Variants in WDR59 observed in about 807,000 individuals in gnomAD.
The protein encoded by WDR59 is GATOR2 complex protein WDR59.
WDR59 carries 100 observed loss-of-function variants against 131.2 expected under a neutral mutation model. That is an observed-to-expected ratio of 0.76 (90% CI 0.65 to 0.90). WDR59 has a LOEUF of 0.90. Ranked by LOEUF, WDR59 falls within the 40% of genes least tolerant of loss-of-function variation. WDR59 has a pLI of 0.00. For missense variants in WDR59, 1,203 were observed against 1,262.2 expected, an observed-to-expected ratio of 0.95 and a Z score of 0.71; for synonymous variants, 601 against 466.2, an observed-to-expected ratio of 1.29 and a Z score of -3.72.
intron 10 of WDR59, 139 bp from the exon 11 acceptor site, chr16:74,918,147 G>C (rs966419256): frequency 1.2e-5 from 9 of 753,882 alleles, no homozygotes; most frequent in South Asian, 6.7e-5. Flanking sequence ...CACTATTCTA[G>C]GTACCAGGAC....
At chr16:74,976,865 G>A (rs754906698) in intron 1 of WDR59, among the ~76,000 whole-genome samples, 3 of 152,024 alleles carry the variant, frequency 2.0e-5, no homozygotes, top group South Asian at 4.1e-4. Context: ...ACATTAGCCC[G>A]GCCTGGTGGT....
chr16:74,903,871 C>A (rs1455790161), intron 18 of WDR59, 76 bp downstream of exon 18: 2 of 1,504,932 alleles, frequency 1.3e-6, no homozygotes, highest in Non-Finnish European at 1.8e-6. Context: ...AATCTAGCTG[C>A]TGCGCCAGGC....
intron 2 of WDR59, chr16:74,962,836 C>T (rs1461335520): frequency 6.6e-6 from 1 of 151,348 alleles, no homozygotes; most frequent in African/African-American, 2.4e-5. Flanking sequence ...TTGCCCTGGC[C>T]AGAACTTTCA....
intron 1 of WDR59, among the ~76,000 whole-genome samples, chr16:74,983,754 T>A (rs1157293902): frequency 6.6e-6 from 1 of 151,984 alleles, no homozygotes; most frequent in Non-Finnish European, 1.5e-5. Flanking sequence ...GGCAGGGGGT[T>A]CGCTTGAGCC....
intron 6 of WDR59, among the ~76,000 whole-genome samples, 200 bp from the exon 7 acceptor site, chr16:74,943,026 T>C (rs913584780): frequency 2.0e-5 from 3 of 152,158 alleles, no homozygotes; most frequent in East Asian, 3.8e-4. Flanking sequence ...AACAGGATCA[T>C]AGTCACCTAA....
At chr16:74,907,448 C>T (rs559391395) in intron 17 of WDR59, among the ~76,000 whole-genome samples, 5 of 152,322 alleles carry the variant, frequency 3.3e-5, no homozygotes, top group Non-Finnish European at 7.3e-5. Flanking sequence ...GTTTCTCCTT[C>T]ACATACACAC....
At chr16:74,899,112 A>G (rs1359324468) in intron 18 of WDR59, among the ~76,000 whole-genome samples, 3 of 152,222 alleles carry the variant, frequency 2.0e-5, no homozygotes, top group Non-Finnish European at 4.4e-5. Context: ...CAATAGGAGT[A>G]AGAAAGAAAG....
At chr16:74,942,166 G>A (rs2032282792) in intron 7 of WDR59, among the ~76,000 whole-genome samples, 1 of 152,146 alleles carries the variant, frequency 6.6e-6, no homozygotes, top group African/African-American at 2.4e-5. Flanking sequence ...TCCATCTCTA[G>A]GTGTCCATGG....
intron 18 of WDR59, among the ~76,000 whole-genome samples, chr16:74,902,526 T>C (rs1474277476): frequency 1.3e-5 from 2 of 152,090 alleles, no homozygotes; most frequent in Non-Finnish European, 2.9e-5. Context: ...GAGTGGGCTT[T>C]ACACACCCCC....
intron 3 of WDR59, among the ~76,000 whole-genome samples, chr16:74,955,568 C>T (rs1368500026): frequency 3.9e-5 from 6 of 152,118 alleles, no homozygotes; most frequent in Admixed American, 3.3e-4. Flanking sequence ...TGAAAATCAG[C>T]GCAACCTCGG....
intron 3 of WDR59, among the ~76,000 whole-genome samples, chr16:74,956,244 A>G (rs1368423123): frequency 6.6e-6 from 1 of 152,172 alleles, no homozygotes; most frequent in African/African-American, 2.4e-5. Context: ...TTTCCCTTTC[A>G]AAATCTGAAT....
In WDR59 at chr16:74,938,207, G is replaced by A; in HGVS notation, c.594C>T (p.Asp198=). 6.4e-7 allele frequency: 1 copy of A among 1,569,452 alleles called. No individual in the cohort carries two copies. The highest frequency in any genetic ancestry group is 8.6e-7 in the Non-Finnish European group (1 of 1,157,238). The part of the protein sequence containing the change: ...AAHLSKIHGL[D]WHPDSEHILA... ...GAATGTGCTCGCTGTCTGGGTGCCA[G>A]TCCAGGCCATGGATTTTGGAGAGGT... is the stretch of plus-strand genomic sequence containing the variant. The change falls in exon 8 of 26, where the codon GAC becomes GAT. Residue 198 remains aspartate, a synonymous_variant. Transcript: ENST00000262144.
intron 3 of WDR59, among the ~76,000 whole-genome samples, chr16:74,951,796 G>A (rs1004839284): frequency 2.0e-5 from 3 of 152,152 alleles, no homozygotes; most frequent in Non-Finnish European, 1.5e-5. Flanking sequence ...ATCTTGAACA[G>A]TCACAGCTGA....
At chr16:74,915,695 A>G in intron 13 of WDR59, 175 bp downstream of exon 13, 1 of 822,664 alleles carries the variant, frequency 1.2e-6, no homozygotes, top group East Asian at 2.9e-5. Flanking sequence ...AAGTGCTGGG[A>G]TTACAGGCGT....
intron 1 of WDR59, among the ~76,000 whole-genome samples, chr16:74,981,625 T>G (rs1160888605): frequency 7.6e-4 from 1 of 1,318 alleles, no homozygotes; most frequent in African/African-American, 1.3e-3. Flanking sequence ...TATATATATA[T>G]ATATATATAT....
intron 2 of WDR59, among the ~76,000 whole-genome samples, chr16:74,958,136 G>A (rs2033379856): frequency 6.6e-6 from 1 of 152,090 alleles, no homozygotes; most frequent in Admixed American, 6.6e-5. Context: ...GGCAGAAAGT[G>A]GGCACTTCAG....
At chr16:74,975,597 G>A (rs533677119) in intron 1 of WDR59, among the ~76,000 whole-genome samples, 1 of 151,326 alleles carries the variant, frequency 6.6e-6, no homozygotes, top group East Asian at 1.9e-4. Flanking sequence ...CTGGGAGGTG[G>A]AGGATGCACT....
intron 13 of WDR59, 200 bp downstream of exon 13, chr16:74,915,670 C>T (rs1966333986): frequency 8.2e-6 from 5 of 606,774 alleles, no homozygotes; most frequent in South Asian, 5.9e-5. Flanking sequence ...GTGATCTGTC[C>T]ACCTCAGACT....
intron 3 of WDR59, among the ~76,000 whole-genome samples, chr16:74,953,702 G>A (rs889357744): frequency 2.0e-5 from 3 of 151,888 alleles, no homozygotes; most frequent in African/African-American, 4.8e-5. Flanking sequence ...AACCCAATTC[G>A]AAAAAGGGCA....
Sources: allele counts gnomAD v4.1 joint callset (sites outside exome capture counted in the v4.1 genomes callset), GRCh38; gene constraint gnomAD v4.1.1; transcripts MANE v1.5; gene names NCBI Gene and HGNC (gene_info 2026-07-23, HGNC 2026-07-21).